Variants in DTNBP1 observed in about 807,000 individuals in gnomAD.
The protein encoded by DTNBP1 is dysbindin.
A neutral mutation model predicts 42.8 loss-of-function variants in DTNBP1; 35 were observed. The ratio of observed to expected loss-of-function variants is 0.82; its 90% confidence interval spans 0.63 to 1.09. The LOEUF (loss-of-function observed/expected upper bound fraction) is 1.09. Among genes scored for constraint, DTNBP1 ranks in the 50% least tolerant of loss-of-function variants. DTNBP1 has a pLI of 0.00. For synonymous variants in DTNBP1, 171 were observed against 162.2 expected, an observed-to-expected ratio of 1.05 and a Z score of -0.41; for missense variants, 457 against 424.2, an observed-to-expected ratio of 1.08 and a Z score of -0.68.
chr6:15,545,132 C>T (rs1379045305), intron 7 of DTNBP1, among the ~76,000 whole-genome samples: 1 of 152,016 alleles, frequency 6.6e-6, no homozygotes, highest in East Asian at 1.9e-4. Context: ...CTCCTGCCCC[C>T]ACTTAAACAA....
At chr6:15,549,942 C>T (rs1182236593) in intron 7 of DTNBP1, among the ~76,000 whole-genome samples, 1 of 152,148 alleles carries the variant, frequency 6.6e-6, no homozygotes, top group Non-Finnish European at 1.5e-5. Context: ...TGCCCCTTGA[C>T]CCAAGCCGTA....
chr6:15,585,615 A>G lies in DTNBP1; in HGVS notation c.511+7444T>C. 6 of 1,291,194 alleles carry G rather than the reference A, an allele frequency of 4.6e-6. No individual in the cohort carries two copies. In the South Asian group the frequency reaches 7.0e-5, roughly 15 times the overall value. The allele number at this position is 1,291,194 out of a possible 1,614,324, so 80.0% of individuals were successfully genotyped here. On this transcript the variant is annotated intron_variant, in intron 7 of 9. Transcript: ENST00000344537. ...AATTTAATTTCTGCTTTTTAATAATATATCATCTGCATACCATGCAAATAC... is the reference window on the plus strand; with the variant it reads ...AATTTAATTTCTGCTTTTTAATAATGTATCATCTGCATACCATGCAAATAC...
intron 6 of DTNBP1, among the ~76,000 whole-genome samples, chr6:15,594,683 T>C (rs1286801178): frequency 6.6e-6 from 1 of 151,930 alleles, no homozygotes; most frequent in Non-Finnish European, 1.5e-5. Flanking sequence ...ATCTACTTCT[T>C]AGTGACATCC....
At chr6:15,617,540 A>G (rs1758779962) in intron 5 of DTNBP1, among the ~76,000 whole-genome samples, 16 of 152,202 alleles carry the variant, frequency 1.1e-4, no homozygotes, top group Admixed American at 1.0e-3. Context: ...GGAACAGAAC[A>G]GAGAACCCAG....
At chr6:15,545,114 C>T (rs1389502530) in intron 7 of DTNBP1, among the ~76,000 whole-genome samples, 1 of 151,964 alleles carries the variant, frequency 6.6e-6, no homozygotes, top group Non-Finnish European at 1.5e-5. Context: ...TTTTTAAAGT[C>T]TCCCAATCTC....
At chr6:15,613,354 C>G (rs111400795) in intron 6 of DTNBP1, among the ~76,000 whole-genome samples, 1 of 100,094 alleles carries the variant, frequency 1.0e-5, no homozygotes, top group Non-Finnish European at 1.8e-5. Context: ...TGACACGGAC[C>G]CCATTTTTTT....
chr6:15,556,183 CTT>C (rs112833362), intron 7 of DTNBP1, among the ~76,000 whole-genome samples: 7 of 140,032 alleles, frequency 5.0e-5, no homozygotes, highest in Non-Finnish European at 6.3e-5. Context: ...GTTAAAAAAT[CTT>C]TTTTTTTTTT....
intron 3 of DTNBP1, among the ~76,000 whole-genome samples, chr6:15,648,394 C>T (rs746479251): frequency 1.7e-4 from 26 of 151,832 alleles, no homozygotes; most frequent in Non-Finnish European, 3.5e-4. Context: ...GATGGTCTAG[C>T]CAGAGCAATT....
chr6:15,651,271 A>G, intron 3 of DTNBP1, 42 bp downstream of exon 3: 1 of 1,586,598 alleles, frequency 6.3e-7, no homozygotes, highest in Non-Finnish European at 8.6e-7. Flanking sequence ...GGTCAGTAAA[A>G]AAGTCAGAAG....
chr6:15,634,144 G>A (rs961067167), intron 4 of DTNBP1, among the ~76,000 whole-genome samples: 14 of 149,388 alleles, frequency 9.4e-5, no homozygotes, highest in South Asian at 4.2e-4. Flanking sequence ...ACTTTTCCTC[G>A]TCTTTCAAAA....
intron 3 of DTNBP1, among the ~76,000 whole-genome samples, chr6:15,641,927 T>C (rs1760384541): frequency 6.6e-6 from 1 of 152,140 alleles, no homozygotes; most frequent in African/African-American, 2.4e-5. Context: ...GGAAGTATCA[T>C]TACCCAGGAA....
At chr6:15,593,168 T>G (rs552812050) in intron 6 of DTNBP1, 87 bp from the exon 7 acceptor site, 27 of 1,273,268 alleles carry the variant, frequency 2.1e-5, no homozygotes, top group Non-Finnish European at 2.8e-5. Context: ...TAAAAACTTA[T>G]GTACTTTAAA....
chr6:15,556,502 C>T (rs1774530289), intron 7 of DTNBP1, among the ~76,000 whole-genome samples: 1 of 152,130 alleles, frequency 6.6e-6, no homozygotes, highest in Non-Finnish European at 1.5e-5. Context: ...GATTAACTTG[C>T]CTTGTGCTCT....
In DTNBP1 at chr6:15,636,992, C is replaced by T. The variant is rs187176128; in HGVS notation, c.222+752G>A. ...ATTCTGCCTTACTACCAGAAACCTA[C>T]ATTTTCTTCTTATCAGTAAGTTCTA... is the stretch of plus-strand genomic sequence containing the variant. On this transcript the variant is annotated intron_variant, in intron 4 of 9. Coordinates refer to ENST00000344537, the MANE Select transcript of DTNBP1 (RefSeq NM_032122.5). 1.1e-4 allele frequency among the ~76,000 whole-genome samples: 17 copies of T among 152,282 alleles called. No individual in the cohort carries two copies. In the East Asian group the frequency reaches 2.9e-3, roughly 26 times the overall value.
chr6:15,583,284 T>C (rs914156882), intron 7 of DTNBP1, among the ~76,000 whole-genome samples: 2 of 152,196 alleles, frequency 1.3e-5, no homozygotes, highest in African/African-American at 4.8e-5. Flanking sequence ...CTCCCACCCA[T>C]ATACTTATAT....
intron 9 of DTNBP1, chr6:15,523,623 TACTG>T (rs1407885821): frequency 3.9e-6 from 5 of 1,288,024 alleles, no homozygotes; most frequent in South Asian, 2.5e-5. Context: ...AAGTCGGAAT[TACTG>T]ACCTTCAGCA....
chr6:15,611,307 T>C (rs1023917754), intron 6 of DTNBP1, among the ~76,000 whole-genome samples: 2 of 152,174 alleles, frequency 1.3e-5, no homozygotes, highest in Non-Finnish European at 2.9e-5. Flanking sequence ...ACTTTAAGCC[T>C]ACTGTTCAGA....
intron 6 of DTNBP1, among the ~76,000 whole-genome samples, chr6:15,602,440 G>C (rs989247064): frequency 8.5e-5 from 13 of 152,268 alleles, no homozygotes; most frequent in African/African-American, 3.1e-4. Flanking sequence ...CCAGAAAAGT[G>C]AGAAAAGCAT....
chr6:15,636,100 C>A (rs1759998661), intron 4 of DTNBP1, among the ~76,000 whole-genome samples: 1 of 151,442 alleles, frequency 6.6e-6, no homozygotes, highest in Non-Finnish European at 1.5e-5. Context: ...ACAGTTTCAT[C>A]CATGGAGAAT....
Sources: gnomAD v4.1 joint callset for allele counts (sites outside exome capture counted in the v4.1 genomes callset) on GRCh38, gnomAD v4.1.1 for gene constraint, MANE v1.5 for transcripts, NCBI Gene and HGNC (gene_info 2026-07-23, HGNC 2026-07-21) for gene names.